Variants in HECW1 observed in about 807,000 individuals in gnomAD.
The protein encoded by HECW1 is HECT, C2 and WW domain containing E3 ubiquitin protein ligase 1.
HECW1 carries 61 observed loss-of-function variants against 182.3 expected under a neutral mutation model. That is an observed-to-expected ratio of 0.33 (90% CI 0.27 to 0.41). HECW1 has a LOEUF of 0.41. Ranked by LOEUF, HECW1 falls within the 10% of genes least tolerant of loss-of-function variation. The pLI, the probability that HECW1 is intolerant of heterozygous loss-of-function variation, is 1.00. For missense variants in HECW1, 1,739 were observed against 2,108.9 expected, an observed-to-expected ratio of 0.82 and a Z score of 3.44; for synonymous variants, 859 against 832.6, an observed-to-expected ratio of 1.03 and a Z score of -0.55.
intron 2 of HECW1, among the ~76,000 whole-genome samples, chr7:43,133,779 C>A: frequency 6.6e-6 from 1 of 151,884 alleles, no homozygotes. Context: ...TTTCTTATAT[C>A]TATTGTTTTC....
At chr7:43,333,007 G>A (rs2152793011) in intron 5 of HECW1, among the ~76,000 whole-genome samples, 1 of 152,330 alleles carries the variant, frequency 6.6e-6, no homozygotes, top group South Asian at 2.1e-4. Context: ...TTCAGAGACT[G>A]CTCTTTAGCC....
At chr7:43,189,776 A>G (rs1299810436) in intron 2 of HECW1, among the ~76,000 whole-genome samples, 1 of 152,226 alleles carries the variant, frequency 6.6e-6, no homozygotes, top group Non-Finnish European at 1.5e-5. Context: ...GGAAGTTGAT[A>G]ACAAGACTCT....
In HECW1 at chr7:43,456,386, G is replaced by A. The variant is rs753629316; in HGVS notation, c.2590G>A (p.Ala864Thr). The change falls in exon 13 of 30, where the codon GCC becomes ACC. Residue 864 changes from alanine (A) to threonine (T), a missense_variant. Around this residue, in one of 5 missense-constraint regions of HECW1, gnomAD observed 971 missense variants for 1,029.1 expected, o/e 0.94. Transcript: ENST00000395891. ...CACCTGGCAGCGTCCGACGGCAGCA[G>A]CCACCCCGGATGGCATGCGGAGATC... ...TTTWQRPTAA[A>T]TPDGMRRSGS... 7.4e-6 allele frequency: 12 copies of A among 1,614,098 alleles called. No homozygotes were observed. In the South Asian group the frequency reaches 1.3e-4, roughly 18 times the overall value.
intron 5 of HECW1, among the ~76,000 whole-genome samples, chr7:43,341,152 T>C (rs1464275957): frequency 1.3e-5 from 2 of 151,432 alleles, no homozygotes; most frequent in Non-Finnish European, 1.5e-5. Flanking sequence ...CACCCCAGGG[T>C]CTGTCATAGG....
At chr7:43,441,608 G>A (rs1463819416) in intron 9 of HECW1, among the ~76,000 whole-genome samples, 1 of 152,166 alleles carries the variant, frequency 6.6e-6, no homozygotes, top group Non-Finnish European at 1.5e-5. Flanking sequence ...TACAGGGCCA[G>A]GTAGTAAATA....
At position 43,493,082 on chromosome 7, in the gene HECW1, A is replaced by G; in HGVS notation, c.3341-2A>G. ...CCACAACTGTGCTTTTGTCTGTTTC[A>G]GCATATAATGACAAGATTGTGGCAT... On this transcript the variant is annotated splice_acceptor_variant, in intron 18 of 29. Coordinates refer to ENST00000395891, the MANE Select transcript of HECW1 (RefSeq NM_015052.5). LOFTEE classifies it high-confidence loss of function. 6.2e-7 allele frequency: 1 copy of G among 1,608,422 alleles called. No individual in the cohort carries two copies. The highest frequency in any genetic ancestry group is 1.1e-5 in the South Asian group (1 of 90,894).
intron 3 of HECW1, among the ~76,000 whole-genome samples, chr7:43,307,893 T>C (rs200195238): frequency 1.0e-4 from 6 of 57,740 alleles, no homozygotes; most frequent in Admixed American, 2.3e-4. Flanking sequence ...TATATATATA[T>C]ATACACATAT....
chr7:43,539,689 C>T (rs1188275695), intron 24 of HECW1, among the ~76,000 whole-genome samples: 1 of 152,244 alleles, frequency 6.6e-6, no homozygotes, highest in Non-Finnish European at 1.5e-5. Flanking sequence ...GGCCCATCAC[C>T]TCTGTGCTGA....
rs148988408 is a variant in HECW1 at position 43,342,460 on chromosome 7, A to G, written c.461-18426A>G. 3.5e-4 allele frequency among the ~76,000 whole-genome samples: 53 copies of G among 151,872 alleles called. No individual in the cohort carries two copies. The East Asian group carries it at 0.01, about 29-fold the overall frequency. On this transcript the variant is annotated intron_variant, in intron 5 of 29. Coordinates refer to ENST00000395891, the MANE Select transcript of HECW1 (RefSeq NM_015052.5). ...ACAATTAATGTTGATTATTTCTCTA[A>G]AAGTACTGCTCTTATTGTTTCCTCT...
intron 4 of HECW1, among the ~76,000 whole-genome samples, chr7:43,313,629 C>T (rs774235383): frequency 9.9e-5 from 15 of 152,138 alleles, no homozygotes; most frequent in Admixed American, 2.6e-4. Context: ...GAGCCACTGC[C>T]CTCGGCCGCA....
At chr7:43,157,440 A>G (rs1487589844) in intron 2 of HECW1, among the ~76,000 whole-genome samples, 2 of 152,256 alleles carry the variant, frequency 1.3e-5, no homozygotes, top group Non-Finnish European at 2.9e-5. Flanking sequence ...TTTGACTGTA[A>G]TATTCAGATA....
At chr7:43,302,214 T>A (rs1427179150) in intron 3 of HECW1, among the ~76,000 whole-genome samples, 5 of 148,890 alleles carry the variant, frequency 3.4e-5, no homozygotes, top group Non-Finnish European at 4.4e-5. Context: ...TCCTCAGGCT[T>A]CTCAACAAGC....
chr7:43,237,541 TCA>T (rs1278713482), intron 2 of HECW1, among the ~76,000 whole-genome samples: 1 of 152,180 alleles, frequency 6.6e-6, no homozygotes, highest in Non-Finnish European at 1.5e-5. Context: ...TCTCCATGCC[TCA>T]GTTTCCTCCT....
chr7:43,503,351 T>C (rs1464558553), intron 21 of HECW1, among the ~76,000 whole-genome samples: 2 of 152,202 alleles, frequency 1.3e-5, no homozygotes, highest in East Asian at 3.8e-4. Context: ...GACTGCATGA[T>C]GGTCTGCCAT....
intron 24 of HECW1, among the ~76,000 whole-genome samples, chr7:43,514,436 A>G (rs1191839787): frequency 6.6e-6 from 1 of 151,746 alleles, no homozygotes; most frequent in African/African-American, 2.4e-5. Flanking sequence ...TTACAGGCAC[A>G]TGCCACCACG....
chr7:43,464,955 C>T (rs1055432415), intron 14 of HECW1, among the ~76,000 whole-genome samples: 1 of 152,040 alleles, frequency 6.6e-6, no homozygotes, highest in East Asian at 1.9e-4. Flanking sequence ...GCATGCACCA[C>T]CATGCCTGGC....
intron 8 of HECW1, among the ~76,000 whole-genome samples, chr7:43,425,522 T>A (rs1432386261): frequency 1.3e-5 from 2 of 152,148 alleles, no homozygotes; most frequent in Admixed American, 6.5e-5. Flanking sequence ...GGAATTGTGG[T>A]TTGAGGGTCT....
rs1203598822 is a variant in HECW1, at chr7:43,444,636, G to A, written c.1464G>A (p.Glu488=). The A allele has an allele frequency of 4.4e-6, 7 of 1,608,924 alleles. No homozygotes were observed. The African/African-American group carries it at 8.0e-5, about 18-fold the overall frequency. The change falls in exon 11 of 30, where the codon GAG becomes GAA. Residue 488 remains glutamate, a synonymous_variant. Coordinates refer to ENST00000395891, the MANE Select transcript of HECW1 (RefSeq NM_015052.5). The surrounding 1 kb of genome is among the most constrained non-coding windows in gnomAD (Gnocchi z 4.3). ...CCAGCACCAAGGAGGAGCCCTTGGA[G>A]GAGGAAGCAACGACCCAGAGCCGGG... ...APASTKEEPL[E]EEATTQSRAG...
At chr7:43,268,013 T>TAAAG (rs10643628) in intron 3 of HECW1, among the ~76,000 whole-genome samples, 23,498 of 152,160 alleles carry the variant, frequency 0.15, 2,448 homozygotes, top group South Asian at 0.26. Flanking sequence ...CACAGACAAA[T>TAAAG]ATAGAACACT....
Sources: allele counts gnomAD v4.1 joint callset (sites outside exome capture counted in the v4.1 genomes callset), GRCh38; gene constraint gnomAD v4.1.1; regional missense constraint gnomAD v4.1.1; non-coding constraint Gnocchi (gnomAD v3.1); transcripts MANE v1.5; gene names NCBI Gene and HGNC (gene_info 2026-07-23, HGNC 2026-07-21).